The following GRHL2 variants were observed in gnomAD, a reference collection of about 807,000 sequenced individuals.
GRHL2 encodes grainyhead-like protein 2 homolog.
Under a neutral mutation model 83.8 loss-of-function variants are expected in GRHL2, and 21 were observed. The observed-to-expected ratio is 0.25, with a 90% confidence interval of 0.18 to 0.36. The LOEUF is 0.36. GRHL2 is among the 10% of genes least tolerant of loss of function. The pLI is 1.00. For synonymous variants in GRHL2, 280 were observed against 278.9 expected, an observed-to-expected ratio of 1.00 and a Z score of -0.04; for missense variants, 623 against 781.8, an observed-to-expected ratio of 0.80 and a Z score of 2.42.
chr8:101,651,501 T>A (rs552445646), intron 14 of GRHL2, among the ~76,000 whole-genome samples: 1 of 152,234 alleles, frequency 6.6e-6, no homozygotes, highest in Admixed American at 6.5e-5. Context: ...GTCTTCCTTT[T>A]TCCTTGGTGT....
At chr8:101,588,782 AT>A (rs1301044601) in intron 7 of GRHL2, among the ~76,000 whole-genome samples, 1 of 152,198 alleles carries the variant, frequency 6.6e-6, no homozygotes, top group Non-Finnish European at 1.5e-5. Context: ...GTGTTTGAAA[AT>A]TATTTCTCAC....
chr8:101,514,816 T>A (rs185861037), intron 1 of GRHL2, among the ~76,000 whole-genome samples: 1 of 152,064 alleles, frequency 6.6e-6, no homozygotes, highest in South Asian at 2.1e-4. Context: ...AGGGAGAAAG[T>A]CTCAACCTTT....
rs745645244 is a variant in GRHL2 at position 101,573,680 on chromosome 8, G to A, written c.747G>A (p.Gln249=). The A allele has an allele frequency of 1.2e-6, 2 of 1,614,206 alleles. No individual in the cohort carries two copies. Among genetic ancestry groups the A allele is most frequent in the South Asian group, 2.2e-5 (2 of 91,084 alleles). ...MYDQTSSGTF[Q]YTLEATKSLR... ...TTTTCTTTCACAGTGGCACATTTCA[G>A]TACACCCTGGAAGCCACCAAATCTC... The change falls in exon 6 of 16, where the codon CAG becomes CAA. Residue 249 remains glutamine, a synonymous_variant. Transcript: ENST00000646743.
chr8:101,570,327 C>T lies in GRHL2; in HGVS notation c.679-12C>T, dbSNP rs182346256. ...CCTATTTGTTTTAATTCCGATGACT[C>T]ATATTTTGCAGAAATTTCGGAGTGC... On this transcript the variant is annotated splice_polypyrimidine_tract_variant and intron_variant, in intron 4 of 15. Coordinates refer to ENST00000646743, the MANE Select transcript of GRHL2 (RefSeq NM_024915.4). 1 of 1,610,684 alleles carries T rather than the reference C, an allele frequency of 6.2e-7. No homozygotes were observed. The highest frequency in any genetic ancestry group is 8.5e-7 in the Non-Finnish European group (1 of 1,177,068).
chr8:101,640,435 A>G (rs1270043489), intron 12 of GRHL2, among the ~76,000 whole-genome samples: 5 of 152,220 alleles, frequency 3.3e-5, no homozygotes, highest in African/African-American at 1.2e-4. Flanking sequence ...AGCCAAACAA[A>G]TAATTTTCTG....
chr8:101,602,527 T>C (rs1812538148), intron 8 of GRHL2, among the ~76,000 whole-genome samples: 1 of 152,226 alleles, frequency 6.6e-6, no homozygotes, highest in Admixed American at 6.5e-5. Flanking sequence ...TGTATGTGTG[T>C]ATTATGCATT....
intron 1 of GRHL2, chr8:101,542,681 C>A: frequency 2.2e-6 from 1 of 452,898 alleles, no homozygotes; most frequent in Non-Finnish European, 4.4e-6. Context: ...GAATACCTGA[C>A]CCTGGGTAGA....
chr8:101,670,910 A>T (rs568636903), downstream of GRHL2, among the ~76,000 whole-genome samples: 1 of 152,306 alleles, frequency 6.6e-6, no homozygotes, highest in South Asian at 2.1e-4. Context: ...GTCTGCCCTC[A>T]TAGGAGGTGG....
chr8:101,571,723 T>G (rs148231847), intron 5 of GRHL2, among the ~76,000 whole-genome samples: 1 of 152,170 alleles, frequency 6.6e-6, no homozygotes. Context: ...TGGTTTCCTC[T>G]TAAAGTCCTC....
In GRHL2 at chr8:101,667,133, A is replaced by C; in HGVS notation, c.*430A>C. ...TATCTATCTCCCGAGTGGCTGGACA[A>C]AATGAGCTACGTCTGGGTGCAGTAG... On this transcript the variant is annotated 3_prime_UTR_variant, in exon 16 of 16. Coordinates refer to ENST00000646743, the MANE Select transcript of GRHL2 (RefSeq NM_024915.4). 1 of 262,016 alleles carries C rather than the reference A, an allele frequency of 3.8e-6. No homozygotes were observed. Among genetic ancestry groups the C allele is most frequent in the Non-Finnish European group, 7.6e-6 (1 of 131,766 alleles). 16.2% of individuals were successfully genotyped at this position (262,016 alleles called of 1,614,324 possible).
At chr8:101,568,379 T>G (rs1311871346) in intron 4 of GRHL2, among the ~76,000 whole-genome samples, 1 of 152,168 alleles carries the variant, frequency 6.6e-6, no homozygotes, top group Non-Finnish European at 1.5e-5. Context: ...CTTGCTTGGG[T>G]TACTTTCTCT....
intron 11 of GRHL2, among the ~76,000 whole-genome samples, chr8:101,633,719 G>T (rs906899642): frequency 2.6e-5 from 4 of 152,114 alleles, no homozygotes; most frequent in Non-Finnish European, 4.4e-5. Flanking sequence ...AGATAAGCAT[G>T]CCAGTACCTA....
At chr8:101,552,091 T>A (rs1192965901) in intron 2 of GRHL2, among the ~76,000 whole-genome samples, 1 of 152,062 alleles carries the variant, frequency 6.6e-6, no homozygotes, top group Admixed American at 6.6e-5. Context: ...CGCCTTGGCC[T>A]CCCAAAGGGC....
intron 1 of GRHL2, among the ~76,000 whole-genome samples, chr8:101,503,506 G>A (rs1180749667): frequency 6.6e-6 from 1 of 152,150 alleles, no homozygotes; most frequent in Non-Finnish European, 1.5e-5. Flanking sequence ...ATATATTTTT[G>A]GAGTATTATA....
At chr8:101,666,341 C>T (rs562307378) in intron 15 of GRHL2, among the ~76,000 whole-genome samples, 4 of 152,250 alleles carry the variant, frequency 2.6e-5, no homozygotes, top group Admixed American at 6.5e-5. Context: ...GTTTACTCAT[C>T]TATAATGCAA....
At chr8:101,666,520 G>T (rs1563634755) in intron 15 of GRHL2, 69 bp from the exon 16 acceptor site, 2 of 883,446 alleles carry the variant, frequency 2.3e-6, no homozygotes, top group Non-Finnish European at 3.8e-6. Flanking sequence ...CCAGCCTGGA[G>T]CTCCCCTTGC....
At chr8:101,632,504 T>G in intron 11 of GRHL2, 139 bp downstream of exon 11, 1 of 1,024,742 alleles carries the variant, frequency 9.8e-7, no homozygotes. Flanking sequence ...TGTCATTCCC[T>G]ATAGTAAATG....
chr8:101,614,804 C>G (rs1399753117), intron 8 of GRHL2, among the ~76,000 whole-genome samples: 2 of 152,220 alleles, frequency 1.3e-5, no homozygotes. Context: ...TTCCCAAACT[C>G]CTGCCCACCC....
intron 3 of GRHL2, among the ~76,000 whole-genome samples, chr8:101,553,873 G>A (rs1049305780): frequency 3.3e-5 from 5 of 151,972 alleles, no homozygotes; most frequent in East Asian, 3.9e-4. Context: ...TGATCTGCCC[G>A]CCTCAGCCTC....
Sources: allele counts gnomAD v4.1 joint callset (sites outside exome capture counted in the v4.1 genomes callset), GRCh38; gene constraint gnomAD v4.1.1; transcripts MANE v1.5; gene names NCBI Gene and HGNC (gene_info 2026-07-23, HGNC 2026-07-21).